Variants in PLEKHG5 observed in about 807,000 individuals in gnomAD.
PLEKHG5 encodes the protein pleckstrin homology and RhoGEF domain containing G5.
In PLEKHG5, 52 loss-of-function variants were observed where a neutral mutation model predicts 103.8. The observed-to-expected ratio is 0.50, with a 90% confidence interval of 0.40 to 0.63. The LOEUF is 0.63. Among genes scored for constraint, PLEKHG5 ranks in the 30% least tolerant of loss-of-function variants. PLEKHG5 has a pLI of 0.00. For synonymous variants in PLEKHG5, 592 were observed against 575.5 expected (o/e 1.03, Z -0.41); for missense variants, 1,205 against 1,347.6 (o/e 0.89, Z 1.66).
intron 1 of PLEKHG5, among the ~76,000 whole-genome samples, chr1:6,516,249 C>A (rs963319911): frequency 9.9e-5 from 15 of 151,926 alleles, no homozygotes; most frequent in African/African-American, 2.9e-4. Flanking sequence ...TATAGCAAGA[C>A]CTTGTCTCAA....
At position 6,470,213 on chromosome 1, in the gene PLEKHG5, G is replaced by A. The variant is rs758719286; in HGVS notation, c.1800+23C>T. 5.6e-5 allele frequency: 90 copies of A among 1,613,022 alleles called. 2 individuals carry two copies. In the South Asian group the frequency reaches 8.7e-4, roughly 16 times the overall value. ...GGTCCCTAGGAAGGGCAGGGCACAG[G>A]GGTGGGGTGGCCCTGGAATCACCTT... On this transcript the variant is annotated intron_variant, in intron 16 of 20. Coordinates refer to ENST00000377728, the MANE Select transcript of PLEKHG5 (RefSeq NM_020631.6).
intron 1 of PLEKHG5, 91 bp from the exon 2 acceptor site, chr1:6,477,749 G>T: frequency 7.4e-7 from 1 of 1,357,274 alleles, no homozygotes; most frequent in Non-Finnish European, 1.0e-6. Context: ...AGAATGAACT[G>T]CCCTCCATCT....
chr1:6,491,571 G>T lies in PLEKHG5; in HGVS notation c.-88+66C>A. On this transcript the variant is annotated intron_variant, in intron 1 of 20. Transcript: ENST00000377728. The surrounding 1 kb of genome is among the most constrained non-coding windows in gnomAD (Gnocchi z 4.1). ...CCTGGCCATTCCCTGGGGCATCCTGGTCTGCCGCTGCTCACCCCCAAAGCA... is the reference window on the plus strand; with the variant it reads ...CCTGGCCATTCCCTGGGGCATCCTGTTCTGCCGCTGCTCACCCCCAAAGCA... The T allele has an allele frequency of 1.2e-6, 1 of 839,640 alleles. No individual in the cohort carries two copies. Among genetic ancestry groups the T allele is most frequent in the Non-Finnish European group, 1.4e-6 (1 of 697,710 alleles). 52.0% of individuals were successfully genotyped at this position (839,640 alleles called of 1,614,324 possible).
intron 1 of PLEKHG5, among the ~76,000 whole-genome samples, chr1:6,518,491 C>T (rs1352787512): frequency 3.4e-5 from 5 of 146,612 alleles, no homozygotes; most frequent in African/African-American, 7.6e-5. Flanking sequence ...ACCCAGGAGG[C>T]GGAGCTTGTG....
At position 6,468,037 on chromosome 1, in the gene PLEKHG5, A is replaced by T. The variant is rs779825659; in HGVS notation, c.2799T>A (p.Pro933=). ...CTAGCCCAGGACCGCTGCCAGGGCT[A>T]GGGGCCCCTCGGCAATCCCAGCTGG... ...AGPSWDCRGA[P]SPGSGPGLVG... Residue 933 remains proline, a synonymous_variant, in exon 20 of 21, where the codon CCT becomes CCA. Transcript: ENST00000377728. 6.4e-7 allele frequency: 1 copy of T among 1,558,714 alleles called. No homozygotes were observed. The highest frequency in any genetic ancestry group is 1.8e-4 in the Middle Eastern group (1 of 5,710).
In PLEKHG5 at chr1:6,487,846, T is replaced by C. The variant is rs768685527; in HGVS notation, c.-88+3791A>G. On this transcript the variant is annotated intron_variant, in intron 1 of 20. Coordinates refer to ENST00000377728, the MANE Select transcript of PLEKHG5 (RefSeq NM_020631.6). The surrounding 1 kb of genome is among the most constrained non-coding windows in gnomAD (Gnocchi z 4.1). ...CCTTGGCCGTCTGCATCTCACTGTG[T>C]CCTCGGCACTTAGAACAGTCCTGGT... Among the ~76,000 whole-genome samples the C allele has an allele frequency of 6.6e-5, 10 of 152,226 alleles. No homozygotes were observed. Among genetic ancestry groups the C allele is most frequent in the Non-Finnish European group, 1.0e-4 (7 of 68,044 alleles).
chr1:6,472,801 CCCT>C (rs1471999628), intron 9 of PLEKHG5, among the ~76,000 whole-genome samples, 179 bp from the exon 10 acceptor site: 5 of 152,214 alleles, frequency 3.3e-5, no homozygotes, highest in Non-Finnish European at 7.3e-5. Flanking sequence ...AAGATCTGGG[CCCT>C]CCTCTGCCAT....
chr1:6,503,434 G>A (rs1358565757), intron 1 of PLEKHG5, among the ~76,000 whole-genome samples: 1 of 144,144 alleles, frequency 6.9e-6, no homozygotes, highest in East Asian at 2.1e-4. Context: ...TTCAGATGGA[G>A]TTTTGCTCTT....
rs776026198 is a variant in PLEKHG5 at position 6,476,022 on chromosome 1, G to A, written c.58C>T (p.Arg20Trp). The change falls in exon 3 of 21, where the codon CGG becomes TGG. Residue 20 changes from arginine to tryptophan, a missense_variant. Physicochemically the swap from Arg to Trp is moderately radical, Grantham distance 101 (BLOSUM62 -3). Transcript: ENST00000377728. ...GGGCATGACCGGGTGGACACGTTCCGGGCCAGCACAGAGCCTTGGGAGAAA... is the reference window on the plus strand; with the variant it reads ...GGGCATGACCGGGTGGACACGTTCCAGGCCAGCACAGAGCCTTGGGAGAAA... ...DLPPQGSVLA[R>W]NVSTRSCPPR... The A allele has an allele frequency of 2.4e-5, 38 of 1,613,312 alleles. No homozygotes were observed. The highest frequency in any genetic ancestry group is 3.3e-5 in the Admixed American group (2 of 60,030).
intron 1 of PLEKHG5, chr1:6,519,379 G>C (rs1638712701): frequency 7.9e-7 from 1 of 1,267,636 alleles, no homozygotes; most frequent in Non-Finnish European, 1.2e-6. Context: ...GACCTGCAAA[G>C]CCCCTCCTTT....
chr1:6,474,606 G>A lies in PLEKHG5; in HGVS notation c.303-19C>T. ...CACCTCCCTGCCCCCAGGACAGGAG[G>A]CATGTGTGTTAGAACCAGGCGGCCA... On this transcript the variant is annotated intron_variant, in intron 5 of 20. Transcript: ENST00000377728. 6.2e-7 allele frequency: 1 copy of A among 1,612,912 alleles called. No homozygotes were observed. The highest frequency in any genetic ancestry group is 1.3e-5 in the African/African-American group (1 of 75,026).
intron 1 of PLEKHG5, among the ~76,000 whole-genome samples, chr1:6,502,873 G>A (rs1487585565): frequency 1.3e-5 from 2 of 152,326 alleles, no homozygotes; most frequent in African/African-American, 2.4e-5. Context: ...ACCTGTTCAC[G>A]TGCTGTGACC....
rs757204989 is a variant in PLEKHG5 at position 6,470,676 on chromosome 1, G to T, written c.1543-33C>A. On this transcript the variant is annotated intron_variant, in intron 14 of 20. Transcript: ENST00000377728. ...CAGGTGAGGGAGCTTCAGGTCCAGG[G>T]TCATGACGGAGCAGAGAGCCGCGCA... The T allele has an allele frequency of 3.0e-5, 46 of 1,556,070 alleles. No homozygotes were observed. In the African/African-American group the frequency reaches 6.0e-4, roughly 20 times the overall value.
At chr1:6,517,005 TG>T (rs1638644786) in intron 1 of PLEKHG5, among the ~76,000 whole-genome samples, 2 of 150,876 alleles carry the variant, frequency 1.3e-5, no homozygotes, top group East Asian at 3.9e-4. Flanking sequence ...CTCAGCACTC[TG>T]GGAAGCCAAG....
intron 7 of PLEKHG5, 26 bp from the exon 8 acceptor site, chr1:6,473,480 C>T (rs948508801): frequency 5.6e-5 from 84 of 1,490,548 alleles, no homozygotes; most frequent in Middle Eastern, 2.2e-4. Context: ...TGGTCAGGGC[C>T]GGGACCCCCT....
upstream of PLEKHG5, chr1:6,520,039 G>C (rs1476198897): frequency 4.8e-6 from 1 of 206,274 alleles, no homozygotes; most frequent in Non-Finnish European, 9.9e-6. Flanking sequence ...GCAGAGAGGG[G>C]CTGGTCACAG....
rs1473116910 is a variant in PLEKHG5, at chr1:6,513,530, G to A, written c.-165+5915C>T. On this transcript the variant is annotated intron_variant, in intron 1 of 21. Coordinates refer to the PLEKHG5 transcript ENST00000377740. ...AAGGCTGTTCCTCGGGGCTGTCTGC[G>A]GCCAAGCCAGCACAGCTACATTCCA... is the stretch of plus-strand genomic sequence containing the variant. Among the ~76,000 whole-genome samples, 4 of 152,210 alleles carry A rather than the reference G, an allele frequency of 2.6e-5. 1 individual carries two copies. The highest frequency in any genetic ancestry group is 1.9e-4 in the East Asian group (1 of 5,196).
chr1:6,514,061 G>A (rs935435338), intron 1 of PLEKHG5, among the ~76,000 whole-genome samples: 1 of 152,200 alleles, frequency 6.6e-6, no homozygotes, highest in Non-Finnish European at 1.5e-5. Context: ...GGAGGTTCAC[G>A]TCTACAGTCT....
chr1:6,476,971 A>G (rs1644779770), intron 2 of PLEKHG5, among the ~76,000 whole-genome samples: 1 of 151,852 alleles, frequency 6.6e-6, no homozygotes, highest in East Asian at 1.9e-4. Context: ...CAACCAGAAG[A>G]ATCCTTTTGT....
Sources: gnomAD v4.1 joint callset for allele counts (sites outside exome capture counted in the v4.1 genomes callset) on GRCh38, gnomAD v4.1.1 for gene constraint, Gnocchi (gnomAD v3.1) non-coding constraint, MANE v1.5 for transcripts, NCBI Gene and HGNC (gene_info 2026-07-23, HGNC 2026-07-21) for gene names.